Variants in TRABD2B observed in about 807,000 individuals in gnomAD.
The protein encoded by TRABD2B is TraB domain containing 2B, also known as metalloprotease TIKI2.
TRABD2B carries 14 observed loss-of-function variants against 40.1 expected under a neutral mutation model. The ratio of observed to expected loss-of-function variants is 0.35; its 90% CI spans 0.23 to 0.55. TRABD2B has a LOEUF of 0.55. TRABD2B is among the 20% of genes least tolerant of loss of function. TRABD2B has a pLI of 0.90. For synonymous variants in TRABD2B, 263 were observed against 277.0 expected, an observed-to-expected ratio of 0.95 and a Z score of 0.50; for missense variants, 541 against 648.6, an observed-to-expected ratio of 0.83 and a Z score of 1.80.
chr1:47,951,896 C>T (rs1266818242), intron 2 of TRABD2B, among the ~76,000 whole-genome samples: 1 of 152,200 alleles, frequency 6.6e-6, no homozygotes, highest in African/African-American at 2.4e-5. Context: ...TCACAGAATG[C>T]CAGAGGTTCC....
At chr1:47,832,633 C>A (rs1470996986) in intron 2 of TRABD2B, among the ~76,000 whole-genome samples, 1 of 152,174 alleles carries the variant, frequency 6.6e-6, no homozygotes, top group African/African-American at 2.4e-5. Context: ...TCAGGAAACC[C>A]TAGTTAAGTC....
chr1:47,775,493 T>C (rs1644433585), intron 5 of TRABD2B, 54 bp from the exon 6 acceptor site: 2 of 1,231,124 alleles, frequency 1.6e-6, no homozygotes, highest in Non-Finnish European at 2.0e-6. Flanking sequence ...GTCATCCATG[T>C]GTGGTGGGAA....
chr1:47,911,625 C>G (rs1289401019), intron 2 of TRABD2B, among the ~76,000 whole-genome samples: 1 of 152,206 alleles, frequency 6.6e-6, no homozygotes, highest in East Asian at 1.9e-4. Context: ...TGGTCCTGCT[C>G]CAGGAGGAGC....
intron 2 of TRABD2B, among the ~76,000 whole-genome samples, chr1:47,846,136 T>C (rs944476710): frequency 2.6e-5 from 4 of 152,178 alleles, no homozygotes; most frequent in African/African-American, 9.7e-5. Flanking sequence ...ATGAAGAAGT[T>C]AAAAAAAGAA....
Position 47,823,835 on chromosome 1 carries a change from C to T in TRABD2B, c.667-22216G>A, listed in dbSNP as rs191802468. 1.8e-3 allele frequency among the ~76,000 whole-genome samples: 279 copies of T among 152,332 alleles called. 2 individuals carry two copies. The highest frequency in any genetic ancestry group is 6.0e-3 in the African/African-American group (250 of 41,568). On this transcript the variant is annotated intron_variant, in intron 2 of 6. Transcript: ENST00000606738. ...AAGTCTGTCGATTCCTACTTCAGAA[C>T]TCTTTCTGTGGGGTAGCCATGAAAG...
intron 2 of TRABD2B, among the ~76,000 whole-genome samples, chr1:47,853,934 T>C (rs1005617800): frequency 2.0e-5 from 3 of 152,212 alleles, no homozygotes; most frequent in African/African-American, 7.2e-5. Context: ...TGGCTCCCAC[T>C]GCCTGCAGCA....
intron 2 of TRABD2B, among the ~76,000 whole-genome samples, chr1:47,823,647 G>C (rs1236045032): frequency 6.6e-6 from 1 of 152,188 alleles, no homozygotes; most frequent in African/African-American, 2.4e-5. Flanking sequence ...CCTTGCTACA[G>C]ACTGAGAATG....
chr1:47,794,663 T>C lies in TRABD2B; in HGVS notation c.911A>G (p.Asn304Ser). The change falls in exon 4 of 7, where the codon AAT becomes AGT. Residue 304 changes from asparagine to serine, a missense_variant. Physicochemically the swap from Asn to Ser is conservative, Grantham distance 46. Around this residue, in one of 2 missense-constraint regions of TRABD2B, gnomAD observed 369 missense variants for 492.8 expected, o/e 0.75. Transcript: ENST00000606738. ...CATGACCCTCTTCCCCATGCGCTCA[T>C]TCCTCTTGTAGATGAGCTCCTGGCG... ...YFRQELIYKR[N>S]ERMGKRVMAL... 6.5e-7 allele frequency: 1 copy of C among 1,536,790 alleles called. No homozygotes were observed. The highest frequency in any genetic ancestry group is 8.7e-7 in the Non-Finnish European group (1 of 1,146,950).
chr1:47,918,794 G>A (rs4927233), intron 2 of TRABD2B, among the ~76,000 whole-genome samples: 3,567 of 152,294 alleles, frequency 0.023, 105 homozygotes, highest in Admixed American at 0.09. Flanking sequence ...CAGAGTCAGG[G>A]CTAGAGGTAA....
At chr1:47,805,383 T>G (rs901438409) in intron 2 of TRABD2B, among the ~76,000 whole-genome samples, 1 of 152,186 alleles carries the variant, frequency 6.6e-6, no homozygotes, top group Non-Finnish European at 1.5e-5. Context: ...TTATGAGGCC[T>G]TCCCATGTGT....
chr1:47,767,831 G>A (rs539164679), intron 6 of TRABD2B, among the ~76,000 whole-genome samples: 26 of 152,294 alleles, frequency 1.7e-4, no homozygotes, highest in African/African-American at 4.3e-4. Flanking sequence ...GCATTTCCTC[G>A]GGCTGGGCCG....
chr1:47,909,480 GAGA>G lies in TRABD2B; in HGVS notation c.666+84551_666+84553del, dbSNP rs1441720728. Among the ~76,000 whole-genome samples the G allele has an allele frequency of 1.1e-4, 9 of 85,394 alleles. No homozygotes were observed. In the East Asian group the frequency reaches 1.4e-3, roughly 13 times the overall value. 56.0% of individuals were successfully genotyped at this position (85,394 alleles called of 152,430 possible). ...GGAGAAGGAGAAGGGGAAGGAGAAG[GAGA>G]AGGAGAAGGAGGAGAAGGAGGAGAA... On this transcript the variant is annotated intron_variant, in intron 2 of 6. Transcript: ENST00000606738.
At chr1:47,844,145 G>A (rs1193245206) in intron 2 of TRABD2B, among the ~76,000 whole-genome samples, 2 of 152,288 alleles carry the variant, frequency 1.3e-5, no homozygotes, top group South Asian at 2.1e-4. Context: ...TCATGTCACC[G>A]TCCCCTGCAG....
intron 2 of TRABD2B, among the ~76,000 whole-genome samples, chr1:47,854,666 T>G (rs1643873822): frequency 6.6e-6 from 1 of 152,162 alleles, no homozygotes; most frequent in African/African-American, 2.4e-5. Context: ...CAATTTGCAT[T>G]TTTTTACATT....
chr1:47,907,529 T>C (rs2124695041), intron 2 of TRABD2B, among the ~76,000 whole-genome samples: 1 of 152,344 alleles, frequency 6.6e-6, no homozygotes, highest in Admixed American at 6.5e-5. Flanking sequence ...TTAGGACTTG[T>C]GGTTGCCCTG....
At chr1:47,860,857 T>C (rs996129024) in intron 2 of TRABD2B, among the ~76,000 whole-genome samples, 1 of 152,214 alleles carries the variant, frequency 6.6e-6, no homozygotes, top group African/African-American at 2.4e-5. Flanking sequence ...CATATTATGA[T>C]GTAGTATGAA....
chr1:47,950,323 G>GA (rs1557675459), intron 2 of TRABD2B, among the ~76,000 whole-genome samples: 1 of 151,990 alleles, frequency 6.6e-6, no homozygotes, highest in Non-Finnish European at 1.5e-5. Context: ...AAAGAAGAGA[G>GA]AGGTAAGGTG....
chr1:47,881,946 G>A (rs1269280633), intron 2 of TRABD2B, among the ~76,000 whole-genome samples: 2 of 152,174 alleles, frequency 1.3e-5, no homozygotes, highest in African/African-American at 4.8e-5. Context: ...GAGGAGTTGG[G>A]CAGGGCTCAG....
intron 4 of TRABD2B, among the ~76,000 whole-genome samples, 176 bp from the exon 5 acceptor site, chr1:47,778,720 C>T (rs1644481265): frequency 6.6e-6 from 1 of 152,198 alleles, no homozygotes; most frequent in Non-Finnish European, 1.5e-5. Context: ...CTGGTGCCAC[C>T]CTGCCTGGGT....
Sources: gnomAD v4.1 joint callset for allele counts (sites outside exome capture counted in the v4.1 genomes callset) on GRCh38, gnomAD v4.1.1 for gene constraint, gnomAD v4.1.1 regional missense constraint, MANE v1.5 for transcripts, NCBI Gene and HGNC (gene_info 2026-07-23, HGNC 2026-07-21) for gene names.